The following ANKRD30B variants were observed in gnomAD, a reference collection of about 807,000 sequenced individuals.
ANKRD30B encodes ankyrin repeat domain-containing protein 30B.
A neutral mutation model predicts 202.2 loss-of-function variants in ANKRD30B; 144 were observed. The ratio of observed to expected loss-of-function variants is 0.71; its 90% CI spans 0.62 to 0.82. The LOEUF (loss-of-function observed/expected upper bound fraction) is 0.82, where lower values mean the gene tolerates loss of function less well. Ranked by LOEUF, ANKRD30B falls within the 40% of genes least tolerant of loss-of-function variation. ANKRD30B has a pLI of 0.00. For missense variants in ANKRD30B, 1,487 were observed against 1,669.1 expected (o/e 0.89, Z 1.90); for synonymous variants, 508 against 561.3 (o/e 0.91, Z 1.34).
the ANKRD30B span, among the ~76,000 whole-genome samples, chr18:14,895,806 A>G: frequency 1.3e-5 from 2 of 152,254 alleles, no homozygotes; most frequent in Non-Finnish European, 2.9e-5. Flanking sequence ...GCCATATGAC[A>G]TTCTGGCAAA....
At chr18:14,833,643 C>T (rs1179976207) in intron 34 of ANKRD30B, among the ~76,000 whole-genome samples, 1 of 152,068 alleles carries the variant, frequency 6.6e-6, no homozygotes, top group Admixed American at 6.5e-5. Context: ...AACTAATTGT[C>T]TTATTATGTA....
chr18:14,757,763 G>GCATAT, intron 4 of ANKRD30B, 52 bp from the exon 5 acceptor site: 2 of 1,577,122 alleles, frequency 1.3e-6, no homozygotes, highest in Non-Finnish European at 1.7e-6. Flanking sequence ...ACACTGATAG[G>GCATAT]CACATATTAA....
intron 36 of ANKRD30B, among the ~76,000 whole-genome samples, chr18:14,839,249 A>T (rs1345781112): frequency 3.3e-5 from 5 of 152,222 alleles, no homozygotes; most frequent in Non-Finnish European, 7.3e-5. Flanking sequence ...AATGTTCCTT[A>T]AGAGAAAATT....
the ANKRD30B span, among the ~76,000 whole-genome samples, chr18:14,879,593 T>C: frequency 1.3e-5 from 2 of 151,906 alleles, no homozygotes. Context: ...ATTTAGGGTT[T>C]AGGGGTTGGA....
chr18:14,855,472 G>A (rs1315229623), downstream of ANKRD30B, among the ~76,000 whole-genome samples: 1 of 152,258 alleles, frequency 6.6e-6, no homozygotes, highest in African/African-American at 2.4e-5. Flanking sequence ...ACACTTGGAA[G>A]ATTGCACAAC....
At chr18:14,895,175 G>A in the ANKRD30B span, among the ~76,000 whole-genome samples, 1 of 148,660 alleles carries the variant, frequency 6.7e-6, no homozygotes, top group Non-Finnish European at 1.5e-5. Context: ...AAAACCATTA[G>A]GTACTATGCT....
chr18:14,878,879 G>A, the ANKRD30B span, among the ~76,000 whole-genome samples: 43 of 152,280 alleles, frequency 2.8e-4, no homozygotes, highest in East Asian at 8.1e-3. Context: ...GCAATAGAGG[G>A]CATTCAGGCA....
chr18:14,815,949 T>A (rs913705906), intron 30 of ANKRD30B, among the ~76,000 whole-genome samples: 3 of 152,178 alleles, frequency 2.0e-5, no homozygotes, highest in Non-Finnish European at 4.4e-5. Context: ...TATTTAGTAT[T>A]ATTCTCTAAG....
the ANKRD30B span, among the ~76,000 whole-genome samples, chr18:14,897,386 G>A: frequency 6.6e-6 from 1 of 151,970 alleles, no homozygotes; most frequent in African/African-American, 2.4e-5. Context: ...TTGCCATGTT[G>A]GCCAGGCTGG....
downstream of ANKRD30B, among the ~76,000 whole-genome samples, chr18:14,855,255 G>C (rs1972047635): frequency 6.6e-6 from 1 of 152,222 alleles, no homozygotes; most frequent in South Asian, 2.1e-4. Context: ...TCCCAAGGCA[G>C]AAGAATTTCT....
At chr18:14,768,751 C>T (rs1916643485) in intron 7 of ANKRD30B, among the ~76,000 whole-genome samples, 1 of 152,158 alleles carries the variant, frequency 6.6e-6, no homozygotes, top group Admixed American at 6.5e-5. Context: ...GTGTACTCTG[C>T]TCTAACTGCT....
chr18:14,763,922 C>T lies in ANKRD30B; in HGVS notation c.1057C>T (p.Pro353Ser). ...TKETSEKFSW[P>S]AKERSRKITW... ...AGAAACATCTGAGAAATTTTCATGG[C>T]CAGCAAAAGAAAGATCTAGGAAGAT... The change falls in exon 7 of 44, where the codon CCA (proline) becomes TCA (serine). Residue 353 changes from proline to serine, a missense_variant. By Grantham distance (74) the Pro-to-Ser change is moderately conservative (BLOSUM62 -1). Transcript: ENST00000690538. 1 of 1,606,028 alleles carries T rather than the reference C, an allele frequency of 6.2e-7. No homozygotes were observed. Among genetic ancestry groups the T allele is most frequent in the East Asian group, 2.2e-5 (1 of 44,488 alleles).
At chr18:14,796,097 A>T in intron 16 of ANKRD30B, 124 bp from the exon 17 acceptor site, 1 of 1,086,146 alleles carries the variant, frequency 9.2e-7, no homozygotes, top group South Asian at 1.3e-5. Context: ...AAGACCCCAA[A>T]ACCTAGTGTA....
the ANKRD30B span, chr18:14,888,934 C>T: frequency 6.7e-6 from 7 of 1,043,186 alleles, no homozygotes; most frequent in Non-Finnish European, 9.6e-6. Flanking sequence ...AAACATGTTC[C>T]AAATGATTTT....
At chr18:14,860,338 T>A in the ANKRD30B span, among the ~76,000 whole-genome samples, 4 of 79,412 alleles carry the variant, frequency 5.0e-5, no homozygotes, top group Admixed American at 1.4e-4. Context: ...CGCTCCTCAC[T>A]TCCCAGACAG....
At chr18:14,796,289 T>C (rs1968884256) in intron 17 of ANKRD30B, 40 bp downstream of exon 17, 1 of 1,610,008 alleles carries the variant, frequency 6.2e-7, no homozygotes, top group African/African-American at 1.3e-5. Context: ...ACTAACTACA[T>C]ATTTTAGGAA....
intron 18 of ANKRD30B, among the ~76,000 whole-genome samples, chr18:14,797,446 G>A (rs1317807150): frequency 1.3e-5 from 2 of 152,140 alleles, no homozygotes; most frequent in Non-Finnish European, 2.9e-5. Context: ...CAATAACCAG[G>A]AGCATTGCAT....
chr18:14,871,729 CA>C, the ANKRD30B span, among the ~76,000 whole-genome samples: 9 of 150,218 alleles, frequency 6.0e-5, no homozygotes, highest in South Asian at 8.4e-4. Context: ...CCTGTCCCTA[CA>C]AAAAAAAATA....
At chr18:14,840,495 T>C (rs1971372417) in intron 36 of ANKRD30B, 93 bp from the exon 37 acceptor site, 2 of 511,032 alleles carry the variant, frequency 3.9e-6, no homozygotes, top group East Asian at 8.9e-5. Context: ...GCCAAGATCA[T>C]GCCACTGGGC....
Sources: gnomAD v4.1 joint callset for allele counts (sites outside exome capture counted in the v4.1 genomes callset) on GRCh38, gnomAD v4.1.1 for gene constraint, MANE v1.5 for transcripts, NCBI Gene and HGNC (gene_info 2026-07-23, HGNC 2026-07-21) for gene names.